Variants in MYO1B observed in about 807,000 individuals in gnomAD.
MYO1B encodes unconventional myosin-Ib.
In MYO1B, 72 loss-of-function variants were observed where a neutral mutation model predicts 159.7. The observed-to-expected ratio is 0.45, with a 90% CI of 0.37 to 0.55. The LOEUF (loss-of-function observed/expected upper bound fraction) is 0.55. Ranked by LOEUF, MYO1B falls within the 20% of genes least tolerant of loss-of-function variation. MYO1B has a pLI of 0.00. For missense variants in MYO1B, 1,062 were observed against 1,364.8 expected (o/e 0.78, Z 3.50); for synonymous variants, 468 against 473.8 (o/e 0.99, Z 0.16).
intron 24 of MYO1B, among the ~76,000 whole-genome samples, chr2:191,406,840 G>A (rs1574630136): frequency 6.6e-6 from 1 of 152,230 alleles, no homozygotes; most frequent in Admixed American, 6.5e-5. Context: ...GCATTAAAAT[G>A]AGGTATGCCT....
At chr2:191,319,041 C>T (rs547838954) in intron 3 of MYO1B, among the ~76,000 whole-genome samples, 3 of 152,104 alleles carry the variant, frequency 2.0e-5, no homozygotes, top group African/African-American at 4.8e-5. Flanking sequence ...AGGCTAACTC[C>T]AGTAAGGAAG....
intron 20 of MYO1B, among the ~76,000 whole-genome samples, chr2:191,393,881 GT>G (rs148444451): frequency 0.032 from 4,825 of 152,216 alleles, 265 homozygotes; most frequent in African/African-American, 0.11. Flanking sequence ...AAGCCTGAAG[GT>G]TTGCCTCAGG....
intron 2 of MYO1B, among the ~76,000 whole-genome samples, chr2:191,282,216 A>G (rs993310319): frequency 6.6e-6 from 1 of 152,234 alleles, no homozygotes; most frequent in Non-Finnish European, 1.5e-5. Context: ...AAGTGCACAG[A>G]CTTAGCAACT....
chr2:191,346,943 C>T (rs560840753), intron 6 of MYO1B, among the ~76,000 whole-genome samples: 1 of 152,298 alleles, frequency 6.6e-6, no homozygotes, highest in African/African-American at 2.4e-5. Context: ...CTCTTGGGTG[C>T]CTCTACCCTT....
At chr2:191,362,209 A>G (rs1382150825) in intron 8 of MYO1B, 59 bp from the exon 9 acceptor site, 5 of 1,262,596 alleles carry the variant, frequency 4.0e-6, no homozygotes, top group Non-Finnish European at 5.8e-6. Context: ...AAAGGGAATG[A>G]GATATTAAAG....
intron 7 of MYO1B, among the ~76,000 whole-genome samples, chr2:191,358,421 C>T (rs535932246): frequency 1.3e-5 from 2 of 152,268 alleles, no homozygotes; most frequent in East Asian, 1.9e-4. Context: ...TCAGTGTGTG[C>T]AGTTTACGAA....
At chr2:191,257,395 A>T (rs915435278) in intron 1 of MYO1B, among the ~76,000 whole-genome samples, 1 of 152,170 alleles carries the variant, frequency 6.6e-6, no homozygotes, top group Non-Finnish European at 1.5e-5. Flanking sequence ...GCATAGGGTT[A>T]TCTGTGTTGC....
At chr2:191,398,410 G>A (rs181864846) in intron 21 of MYO1B, among the ~76,000 whole-genome samples, 13 of 63,246 alleles carry the variant, frequency 2.1e-4, no homozygotes, top group African/African-American at 4.0e-4. Context: ...GCGGCTGGCC[G>A]GGCGGGGGGC....
chr2:191,356,666 A>G (rs1574498011), intron 7 of MYO1B, among the ~76,000 whole-genome samples: 2 of 152,338 alleles, frequency 1.3e-5, no homozygotes, highest in African/African-American at 4.8e-5. Context: ...TAATTTATTC[A>G]TTCGTTAATT....
intron 3 of MYO1B, among the ~76,000 whole-genome samples, chr2:191,303,543 G>A (rs1689464125): frequency 6.6e-6 from 1 of 152,090 alleles, no homozygotes; most frequent in South Asian, 2.1e-4. Context: ...CCTGTGCCAG[G>A]CAGTCTTTCA....
intron 4 of MYO1B, among the ~76,000 whole-genome samples, chr2:191,333,690 T>A (rs900330571): frequency 6.6e-6 from 1 of 151,898 alleles, no homozygotes; most frequent in African/African-American, 2.4e-5. Context: ...TGTTCAAATC[T>A]CTCTCTCTCT....
At chr2:191,369,690 G>A in intron 12 of MYO1B, 62 bp downstream of exon 12, 1 of 1,234,572 alleles carries the variant, frequency 8.1e-7, no homozygotes. Flanking sequence ...TAAACATTAA[G>A]TTGAAGAAAG....
intron 4 of MYO1B, among the ~76,000 whole-genome samples, chr2:191,335,018 T>C (rs2125930878): frequency 6.6e-6 from 1 of 152,264 alleles, no homozygotes; most frequent in African/African-American, 2.4e-5. Flanking sequence ...ATACTTCGAG[T>C]AACACTGCCT....
intron 7 of MYO1B, among the ~76,000 whole-genome samples, chr2:191,352,864 G>A (rs1399712045): frequency 6.6e-6 from 1 of 152,198 alleles, no homozygotes; most frequent in African/African-American, 2.4e-5. Flanking sequence ...CCAAACTAAA[G>A]AAGCTAAAAG....
chr2:191,284,775 G>C (rs1448524680), intron 2 of MYO1B, among the ~76,000 whole-genome samples: 2 of 152,092 alleles, frequency 1.3e-5, no homozygotes, highest in African/African-American at 4.8e-5. Flanking sequence ...TTGGATTACA[G>C]GCACATGCTG....
chr2:191,374,772 A>G (rs1352559583), intron 13 of MYO1B, among the ~76,000 whole-genome samples: 4 of 152,224 alleles, frequency 2.6e-5, no homozygotes, highest in African/African-American at 9.6e-5. Flanking sequence ...CAGAAGACCA[A>G]CTTCCCAAAG....
At position 191,288,033 on chromosome 2, in the gene MYO1B, C is replaced by T. The variant is rs182792998; in HGVS notation, c.136-8078C>T. 4.1e-3 allele frequency among the ~76,000 whole-genome samples: 622 copies of T among 152,166 alleles called. 5 individuals are homozygous for T. Among genetic ancestry groups the T allele is most frequent in the Non-Finnish European group, 7.4e-3 (505 of 67,998 alleles). On this transcript the variant is annotated intron_variant, in intron 2 of 30. Coordinates refer to ENST00000392318, the MANE Select transcript of MYO1B (RefSeq NM_001130158.3). ...TTTTAATCTGTATTCTAGCATGTGT[C>T]AGAATTCCCTTCCTTTTTAAGGCTG...
rs1388737927 is a variant in MYO1B, at chr2:191,387,422, C to G, written c.1753C>G (p.Leu585Val). ...KASVATLMKN[L>V]QTKNPNYIRC... ...ATCCGTGGCCACTCTGATGAAAAACCTACAGACCAAGAACCCAAACTATAT... is the reference window on the plus strand; with the variant it reads ...ATCCGTGGCCACTCTGATGAAAAACGTACAGACCAAGAACCCAAACTATAT... The change falls in exon 17 of 31, where the codon CTA becomes GTA. Residue 585 changes from leucine (L) to valine (V), a missense_variant. By Grantham distance (32) the Leu-to-Val change is conservative (BLOSUM62 1). Around this residue, in one of 5 missense-constraint regions of MYO1B, gnomAD observed 609 missense variants for 744.4 expected, o/e 0.82. Coordinates refer to ENST00000392318, the MANE Select transcript of MYO1B (RefSeq NM_001130158.3). 7 of 1,614,094 alleles carry G rather than the reference C, an allele frequency of 4.3e-6. No individual in the cohort carries two copies. Among genetic ancestry groups the G allele is most frequent in the Non-Finnish European group, 5.9e-6 (7 of 1,180,050 alleles).
chr2:191,411,661 C>G (rs1381740384), intron 27 of MYO1B, among the ~76,000 whole-genome samples: 1 of 152,110 alleles, frequency 6.6e-6, no homozygotes, highest in Non-Finnish European at 1.5e-5. Context: ...TCTGTGGTGC[C>G]CTTTGGTCTG....
Sources: gnomAD v4.1 joint callset for allele counts (sites outside exome capture counted in the v4.1 genomes callset) on GRCh38, gnomAD v4.1.1 for gene constraint, gnomAD v4.1.1 regional missense constraint, MANE v1.5 for transcripts, NCBI Gene and HGNC (gene_info 2026-07-23, HGNC 2026-07-21) for gene names.